MYO18B: variants seen among roughly 807,000 people sequenced by gnomAD.
MYO18B encodes myosin XVIIIB, also known as unconventional myosin-XVIIIb.
Under a neutral mutation model 273.0 loss-of-function variants are expected in MYO18B, and 204 were observed. The observed-to-expected ratio is 0.75, with a 90% confidence interval of 0.67 to 0.84. MYO18B has a LOEUF of 0.84. Ranked by LOEUF, MYO18B falls within the 40% of genes least tolerant of loss-of-function variation. The pLI is 0.00. For synonymous variants in MYO18B, 1,330 were observed against 1,305.7 expected (o/e 1.02, Z -0.40); for missense variants, 3,212 against 3,287.6 (o/e 0.98, Z 0.56).
At chr22:25,891,153 C>T (rs1049494375) in intron 26 of MYO18B, 151 bp from the exon 27 acceptor site, 15 of 707,546 alleles carry the variant, frequency 2.1e-5, no homozygotes, top group Non-Finnish European at 3.1e-5. Context: ...AGAAATATGC[C>T]GAAGGTGGCT....
At chr22:26,023,444 T>TC (rs1190578056) in intron 42 of MYO18B, among the ~76,000 whole-genome samples, 6 of 151,590 alleles carry the variant, frequency 4.0e-5, no homozygotes, top group Admixed American at 1.3e-4. Flanking sequence ...ATGCCTTTTT[T>TC]CCCCCCTATG....
intron 15 of MYO18B, among the ~76,000 whole-genome samples, chr22:25,830,983 C>T (rs1340395080): frequency 6.6e-6 from 1 of 152,204 alleles, no homozygotes; most frequent in African/African-American, 2.4e-5. Flanking sequence ...CAATGTAATA[C>T]ATTTTTAATT....
chr22:25,842,088 A>G (rs2145988036), intron 17 of MYO18B, among the ~76,000 whole-genome samples: 1 of 152,346 alleles, frequency 6.6e-6, no homozygotes, highest in South Asian at 2.1e-4. Flanking sequence ...GGAAGTGAGC[A>G]CACAGTACCT....
chr22:25,820,991 A>G (rs1035997871), intron 12 of MYO18B, among the ~76,000 whole-genome samples: 2 of 152,186 alleles, frequency 1.3e-5, no homozygotes, highest in African/African-American at 2.4e-5. Context: ...CCATGTTGCC[A>G]TGAATGACAA....
intron 39 of MYO18B, among the ~76,000 whole-genome samples, chr22:25,989,465 C>T (rs1438516306): frequency 6.6e-6 from 1 of 151,938 alleles, no homozygotes; most frequent in African/African-American, 2.4e-5. Flanking sequence ...TGCCCAGTGA[C>T]ACTGTTGTCC....
the MYO18B span, among the ~76,000 whole-genome samples, chr22:26,061,533 C>T: frequency 1.3e-5 from 2 of 151,972 alleles, no homozygotes; most frequent in African/African-American, 4.8e-5. Flanking sequence ...AGATGAATAT[C>T]CATCTCCATC....
rs57921728 is a variant in MYO18B at position 25,898,279 on chromosome 22, C to T, written c.4669-28C>T. Reference sequence around the variant, plus strand: ...AAAGCTCGTTCCATGCCCACAGAGCCGGGTAATTCATTCTATTACTCTTAC... The same window carrying T: ...AAAGCTCGTTCCATGCCCACAGAGCTGGGTAATTCATTCTATTACTCTTAC... On this transcript the variant is annotated intron_variant, in intron 28 of 43. Transcript: ENST00000335473. 4,083 of 1,602,298 alleles carry T rather than the reference C, an allele frequency of 2.5e-3. 76 individuals carry two copies. In the African/African-American group the frequency reaches 0.043, roughly 17 times the overall value.
chr22:25,777,135 A>C (rs1318887301), intron 7 of MYO18B, among the ~76,000 whole-genome samples: 1 of 152,200 alleles, frequency 6.6e-6, no homozygotes. Context: ...TATCACCTAA[A>C]TCTGTTATGG....
At chr22:26,029,760 C>T (rs140777066) in intron 43 of MYO18B, among the ~76,000 whole-genome samples, 1 of 152,202 alleles carries the variant, frequency 6.6e-6, no homozygotes, top group African/African-American at 2.4e-5. Context: ...GCCATTGGAC[C>T]CTAGGCAAGT....
intron 42 of MYO18B, among the ~76,000 whole-genome samples, chr22:26,023,062 A>G (rs1935943235): frequency 1.3e-5 from 2 of 152,062 alleles, no homozygotes; most frequent in African/African-American, 4.8e-5. Context: ...GCCGGCCTGA[A>G]AGGCCTCTGT....
intron 40 of MYO18B, among the ~76,000 whole-genome samples, chr22:25,997,831 C>T (rs1933455313): frequency 6.6e-6 from 1 of 152,060 alleles, no homozygotes; most frequent in African/African-American, 2.4e-5. Flanking sequence ...CCTCATCACC[C>T]TGGGGTAAGA....
chr22:25,955,097 A>C, intron 38 of MYO18B, 82 bp from the exon 39 acceptor site: 1 of 1,380,354 alleles, frequency 7.2e-7, no homozygotes, highest in Non-Finnish European at 9.7e-7. Context: ...AACTCGGCAA[A>C]GGATTTATCT....
chr22:25,767,557 T>C (rs1056107875), intron 3 of MYO18B, among the ~76,000 whole-genome samples: 5 of 152,130 alleles, frequency 3.3e-5, no homozygotes, highest in African/African-American at 1.2e-4. Flanking sequence ...CAGATAGACA[T>C]AGAAGGAAGC....
intron 39 of MYO18B, among the ~76,000 whole-genome samples, chr22:25,991,750 G>A (rs2093272615): frequency 6.6e-6 from 1 of 152,190 alleles, no homozygotes; most frequent in Non-Finnish European, 1.5e-5. Flanking sequence ...TGTGAGGCAT[G>A]AGTGAGATCC....
chr22:25,744,663 G>A (rs1330483771), intron 1 of MYO18B, among the ~76,000 whole-genome samples: 1 of 152,194 alleles, frequency 6.6e-6, no homozygotes, highest in Non-Finnish European at 1.5e-5. Flanking sequence ...GAACCTGGGA[G>A]GTGGAGCTTG....
chr22:26,010,135 G>C (rs1305456878), intron 42 of MYO18B, among the ~76,000 whole-genome samples: 1 of 152,008 alleles, frequency 6.6e-6, no homozygotes, highest in African/African-American at 2.4e-5. Context: ...CGTAAGTCTT[G>C]TATTCTACCC....
chr22:26,039,108 T>C, the MYO18B span, among the ~76,000 whole-genome samples: 7 of 151,008 alleles, frequency 4.6e-5, no homozygotes, highest in Non-Finnish European at 1.0e-4. Context: ...CTTTTCCATC[T>C]TCTCCTGCCT....
At chr22:25,782,196 T>C (rs1265295267) in intron 10 of MYO18B, among the ~76,000 whole-genome samples, 3 of 152,306 alleles carry the variant, frequency 2.0e-5, no homozygotes, top group East Asian at 1.9e-4. Context: ...ATAGACCTTA[T>C]AGGATTAAGA....
At chr22:25,893,345 C>T (rs551827216) in intron 27 of MYO18B, among the ~76,000 whole-genome samples, 17 of 152,216 alleles carry the variant, frequency 1.1e-4, no homozygotes, top group African/African-American at 2.2e-4. Context: ...AAGATATTCA[C>T]GATATAAATG....
Sources: gnomAD v4.1 joint callset for allele counts (sites outside exome capture counted in the v4.1 genomes callset) on GRCh38, gnomAD v4.1.1 for gene constraint, MANE v1.5 for transcripts, NCBI Gene and HGNC (gene_info 2026-07-23, HGNC 2026-07-21) for gene names.